CCDC148: variants seen among roughly 807,000 people sequenced by gnomAD.
CCDC148 encodes coiled-coil domain-containing protein 148.
A neutral mutation model predicts 85.7 loss-of-function variants in CCDC148; 89 were observed. The ratio of observed to expected loss-of-function variants is 1.04; its 90% confidence interval spans 0.87 to 1.24. The LOEUF (loss-of-function observed/expected upper bound fraction) is 1.24, where lower values mean the gene tolerates loss of function less well. Among genes scored for constraint, CCDC148 ranks in the 50% most tolerant of loss-of-function variants. The pLI is 0.00. For synonymous variants in CCDC148, 230 were observed against 213.9 expected (o/e 1.08, Z -0.66); for missense variants, 692 against 671.7 (o/e 1.03, Z -0.33).
intron 3 of CCDC148, among the ~76,000 whole-genome samples, chr2:158,344,109 CACAA>C (rs1357546805): frequency 6.6e-6 from 1 of 151,900 alleles, no homozygotes; most frequent in African/African-American, 2.4e-5. Context: ...CAGTGAACAC[CACAA>C]TTAAAGCTTC....
intron 10 of CCDC148, among the ~76,000 whole-genome samples, chr2:158,250,332 G>A (rs939481587): frequency 2.0e-5 from 3 of 151,788 alleles, no homozygotes; most frequent in Non-Finnish European, 4.4e-5. Context: ...ACTCTAAAGG[G>A]CATTTTGACT....
chr2:158,280,410 C>T (rs1348375903), intron 9 of CCDC148, among the ~76,000 whole-genome samples: 9 of 151,714 alleles, frequency 5.9e-5, no homozygotes, highest in Non-Finnish European at 1.2e-4. Context: ...CACACAGGCT[C>T]AAAATAAAGG....
intron 10 of CCDC148, among the ~76,000 whole-genome samples, chr2:158,237,119 A>AG (rs1688142559): frequency 6.6e-6 from 1 of 152,156 alleles, no homozygotes; most frequent in Non-Finnish European, 1.5e-5. Context: ...AAAGGCTGAG[A>AG]GGACATATGC....
intron 9 of CCDC148, among the ~76,000 whole-genome samples, chr2:158,254,377 A>G (rs1688925762): frequency 6.6e-6 from 1 of 151,718 alleles, no homozygotes. Context: ...CTAACAGATT[A>G]TATGGTGCTT....
chr2:158,290,555 G>T (rs1038246649), intron 9 of CCDC148, among the ~76,000 whole-genome samples: 3 of 152,102 alleles, frequency 2.0e-5, no homozygotes, highest in Non-Finnish European at 4.4e-5. Flanking sequence ...TGACTCAATT[G>T]CTGTCTTCTC....
intron 11 of CCDC148, among the ~76,000 whole-genome samples, chr2:158,193,615 A>C (rs1685522313): frequency 6.6e-6 from 1 of 152,074 alleles, no homozygotes; most frequent in African/African-American, 2.4e-5. Context: ...AAAAAGCCAC[A>C]ATATTTTGAC....
At chr2:158,281,265 A>C (rs964597810) in intron 9 of CCDC148, among the ~76,000 whole-genome samples, 1 of 152,160 alleles carries the variant, frequency 6.6e-6, no homozygotes, top group Non-Finnish European at 1.5e-5. Context: ...GAAGGCAAGA[A>C]ATAACGAAAA....
chr2:158,307,111 T>G (rs569202074), intron 9 of CCDC148, among the ~76,000 whole-genome samples: 1 of 152,018 alleles, frequency 6.6e-6, no homozygotes, highest in Non-Finnish European at 1.5e-5. Flanking sequence ...TTAAGAAGTT[T>G]TGTTCATTTA....
At chr2:158,322,674 T>C (rs954217365) in intron 7 of CCDC148, among the ~76,000 whole-genome samples, 2 of 152,020 alleles carry the variant, frequency 1.3e-5, no homozygotes, top group Non-Finnish European at 2.9e-5. Context: ...ATCTTAAAAA[T>C]TACTAATGAG....
At chr2:158,454,849 A>T (rs1412562682) in intron 1 of CCDC148, among the ~76,000 whole-genome samples, 2 of 152,258 alleles carry the variant, frequency 1.3e-5, no homozygotes, top group Non-Finnish European at 2.9e-5. Flanking sequence ...AAACAAAAAA[A>T]TTAATGTTGA....
At chr2:158,292,287 T>C (rs1690929996) in intron 9 of CCDC148, among the ~76,000 whole-genome samples, 1 of 152,152 alleles carries the variant, frequency 6.6e-6, no homozygotes, top group South Asian at 2.1e-4. Context: ...GGGAATTCAT[T>C]TGGTTATAAT....
chr2:158,243,335 C>T (rs1688430597), intron 10 of CCDC148, among the ~76,000 whole-genome samples: 2 of 152,090 alleles, frequency 1.3e-5, no homozygotes, highest in African/African-American at 4.8e-5. Flanking sequence ...AGCCTGCCTC[C>T]CATCACTATA....
rs1252390092 is a variant in CCDC148, at chr2:158,207,175, CTG to C, written c.1370+13418_1370+13419del. Reference sequence around the variant, plus strand: ...GTTTCTTCCTAAGGAAGTCCATTAACTGTGTAGAAGTAGAGGAATGGGCTGAA... The same window carrying C: ...GTTTCTTCCTAAGGAAGTCCATTAACTGTAGAAGTAGAGGAATGGGCTGAA... On this transcript the variant is annotated intron_variant, in intron 11 of 13. Coordinates refer to ENST00000283233, the MANE Select transcript of CCDC148 (RefSeq NM_138803.4). Among the ~76,000 whole-genome samples, 3 of 152,334 alleles carry C rather than the reference CTG, an allele frequency of 2.0e-5. No individual in the cohort carries two copies. The South Asian group carries it at 6.2e-4, about 32-fold the overall frequency.
intron 1 of CCDC148, among the ~76,000 whole-genome samples, chr2:158,427,171 T>C (rs981502183): frequency 1.3e-5 from 2 of 152,198 alleles, no homozygotes; most frequent in Non-Finnish European, 1.5e-5. Flanking sequence ...TAAAAGGCCA[T>C]AAATAGTCAT....
At chr2:158,187,722 G>A (rs576671439) in intron 11 of CCDC148, among the ~76,000 whole-genome samples, 62 of 151,940 alleles carry the variant, frequency 4.1e-4, no homozygotes, top group East Asian at 2.5e-3. Context: ...GCTTCTCCTC[G>A]TCTGTCTACC....
At chr2:158,323,089 C>T (rs969789370) in intron 7 of CCDC148, among the ~76,000 whole-genome samples, 9 of 152,064 alleles carry the variant, frequency 5.9e-5, no homozygotes, top group African/African-American at 9.7e-5. Context: ...TGAAATACAG[C>T]CCAAATAGAA....
chr2:158,349,035 C>T (rs895400569), intron 2 of CCDC148, among the ~76,000 whole-genome samples: 1 of 152,014 alleles, frequency 6.6e-6, no homozygotes, highest in Admixed American at 6.6e-5. Context: ...AGATCACTGA[C>T]TGTCCACTTC....
chr2:158,312,943 C>T (rs1038059394), intron 8 of CCDC148, among the ~76,000 whole-genome samples: 4 of 152,088 alleles, frequency 2.6e-5, no homozygotes, highest in South Asian at 2.1e-4. Context: ...GGAGTTTCCA[C>T]GTGATTGATA....
chr2:158,210,553 G>A (rs985290109), intron 11 of CCDC148, among the ~76,000 whole-genome samples: 1 of 151,942 alleles, frequency 6.6e-6, no homozygotes, highest in South Asian at 2.1e-4. Flanking sequence ...ATTGACTACA[G>A]AGCTGGAAGT....
Sources: allele counts gnomAD v4.1 joint callset (sites outside exome capture counted in the v4.1 genomes callset), GRCh38; gene constraint gnomAD v4.1.1; transcripts MANE v1.5; gene names NCBI Gene and HGNC (gene_info 2026-07-23, HGNC 2026-07-21).